The following SCN1A variants were observed in gnomAD, a reference collection of about 807,000 sequenced individuals.
SCN1A encodes sodium channel protein type 1 subunit alpha.
Under a neutral mutation model 193.7 loss-of-function variants are expected in SCN1A, and 13 were observed. The observed-to-expected ratio is 0.07, with a 90% CI of 0.04 to 0.11. The LOEUF is 0.11. SCN1A is among the 10% of genes least tolerant of loss of function. The probability of loss-of-function intolerance (pLI) is 1.00; values close to 1 mark genes in which losing one functional copy is unlikely to be tolerated. For synonymous variants in SCN1A, 781 were observed against 843.6 expected (o/e 0.93, Z 1.29); for missense variants, 1,432 against 2,451.1 (o/e 0.58, Z 8.78).
At chr2:166,087,688 A>G (rs1300950926) in intron 2 of SCN1A, among the ~76,000 whole-genome samples, 1 of 152,182 alleles carries the variant, frequency 6.6e-6, no homozygotes, top group Non-Finnish European at 1.5e-5. Flanking sequence ...AGCCTCAGAT[A>G]TTCTTTTATA....
In SCN1A at chr2:166,045,062, C is replaced by T; in HGVS notation, c.1643G>A (p.Arg548Lys). 1 of 1,614,122 alleles carries T rather than the reference C, an allele frequency of 6.2e-7. No homozygotes were observed. Among genetic ancestry groups the T allele is most frequent in the Non-Finnish European group, 8.5e-7 (1 of 1,180,014 alleles). ...CCATACCTGGTGTGGGGAGGAGTAC[C>T]TCTTTTCATATGTCAATCGGTTCCC... ...IEGNRLTYEK[R>K]YSSPHQSLLS... The change falls in exon 13 of 29, where the codon AGG becomes AAG. Residue 548 changes from arginine (R) to lysine (K), a missense_variant. Around this residue, in one of 18 missense-constraint regions of SCN1A, gnomAD observed 316 missense variants for 362.1 expected, o/e 0.87. Transcript: ENST00000674923.
chr2:166,080,021 T>C (rs1685345065), intron 2 of SCN1A, among the ~76,000 whole-genome samples: 1 of 151,614 alleles, frequency 6.6e-6, no homozygotes, highest in Admixed American at 6.6e-5. Flanking sequence ...CTGTCAGATG[T>C]CATTCAATAT....
chr2:166,098,378 A>G (rs2106123294), intron 2 of SCN1A, among the ~76,000 whole-genome samples: 1 of 152,138 alleles, frequency 6.6e-6, no homozygotes, highest in East Asian at 1.9e-4. Context: ...GCCATCTATA[A>G]CCAACTCACA....
chr2:166,067,970 G>C (rs887166343), intron 4 of SCN1A, among the ~76,000 whole-genome samples: 1 of 152,020 alleles, frequency 6.6e-6, no homozygotes, highest in East Asian at 1.9e-4. Flanking sequence ...AGGAAACCTG[G>C]GCCTTTTTTC....
intron 4 of SCN1A, among the ~76,000 whole-genome samples, chr2:166,062,796 T>A (rs1049605685): frequency 6.6e-5 from 10 of 152,134 alleles, no homozygotes; most frequent in South Asian, 2.1e-4. Flanking sequence ...AAAAACTTTT[T>A]AAAAGAATGT....
At chr2:166,055,283 A>T (rs1245389169) in intron 6 of SCN1A, among the ~76,000 whole-genome samples, 1 of 151,828 alleles carries the variant, frequency 6.6e-6, no homozygotes, top group African/African-American at 2.4e-5. Context: ...AAGAAGTAAA[A>T]ATTTAATTTA....
At chr2:166,012,979 C>T (rs532510805) in intron 21 of SCN1A, among the ~76,000 whole-genome samples, 45 of 151,264 alleles carry the variant, frequency 3.0e-4, no homozygotes, top group African/African-American at 9.7e-4. Flanking sequence ...AAATATATGT[C>T]TGTGTTAGAA....
chr2:165,998,955 A>G (rs1311554007), intron 25 of SCN1A: 2 of 151,472 alleles, frequency 1.3e-5, no homozygotes, highest in African/African-American at 2.4e-5. Flanking sequence ...CAGGTTGAAG[A>G]CTGCAGGGAC....
intron 19 of SCN1A, among the ~76,000 whole-genome samples, chr2:166,018,220 ATAC>A (rs777674657): frequency 2.0e-5 from 3 of 152,018 alleles, no homozygotes; most frequent in Non-Finnish European, 4.4e-5. Flanking sequence ...CTTATGAGGA[ATAC>A]TACTTTTAAT....
chr2:166,055,037 G>A (rs1245051275), intron 6 of SCN1A, among the ~76,000 whole-genome samples: 2 of 151,904 alleles, frequency 1.3e-5, no homozygotes, highest in Non-Finnish European at 2.9e-5. Context: ...TGGTATTTAT[G>A]TAAATATAGT....
rs1434521938 is a variant in SCN1A at position 166,045,345 on chromosome 2, G to T, written c.1378-18C>A. ...GCTGCCTGCTATATTGAAGAGAAAT[G>T]ATTTTAACATAGCACCTGAAGAGAC... On this transcript the variant is annotated intron_variant, in intron 12 of 28. Transcript: ENST00000674923. 6.8e-6 allele frequency: 11 copies of T among 1,613,258 alleles called. No homozygotes were observed. The highest frequency in any genetic ancestry group is 4.4e-5 in the South Asian group (4 of 91,010).
intron 4 of SCN1A, among the ~76,000 whole-genome samples, chr2:166,062,013 A>T (rs1268946626): frequency 1.3e-5 from 2 of 152,208 alleles, no homozygotes; most frequent in Non-Finnish European, 2.9e-5. Context: ...AGTTGAATTT[A>T]TAAATGGAAT....
intron 2 of SCN1A, among the ~76,000 whole-genome samples, chr2:166,088,056 TTGTG>T (rs10525602): frequency 0.049 from 7,176 of 146,790 alleles, 264 homozygotes; most frequent in African/African-American, 0.11. Flanking sequence ...ATCTGTGTGT[TTGTG>T]TGTGTGTGTG....
intron 2 of SCN1A, among the ~76,000 whole-genome samples, chr2:166,097,000 CTTT>C (rs1687454084): frequency 6.6e-6 from 1 of 151,612 alleles, no homozygotes; most frequent in African/African-American, 2.4e-5. Context: ...CTTCTTTCTT[CTTT>C]GTGTGTGTTT....
At chr2:166,116,000 A>G (rs1689815602) in intron 2 of SCN1A, among the ~76,000 whole-genome samples, 1 of 152,252 alleles carries the variant, frequency 6.6e-6, no homozygotes, top group Non-Finnish European at 1.5e-5. Flanking sequence ...ACCTAGAGAT[A>G]GAAACAGCTT....
intron 19 of SCN1A, among the ~76,000 whole-genome samples, chr2:166,021,080 C>G (rs1240567545): frequency 1.3e-5 from 2 of 152,198 alleles, no homozygotes; most frequent in Non-Finnish European, 1.5e-5. Flanking sequence ...GGCTTAAGCT[C>G]TACTTCGCAA....
chr2:165,996,350 C>G (rs187279391), intron 26 of SCN1A: 100 of 354,980 alleles, frequency 2.8e-4, no homozygotes, highest in African/African-American at 2.0e-3. Context: ...AGACAAACAC[C>G]CCCAAATCTC....
chr2:166,091,783 C>G (rs1026608785), intron 2 of SCN1A, among the ~76,000 whole-genome samples: 1 of 152,166 alleles, frequency 6.6e-6, no homozygotes, highest in South Asian at 2.1e-4. Context: ...TTTCCCCACG[C>G]CACTAGAATT....
rs1026954517 is a variant in SCN1A, at chr2:166,043,948, G to A, written c.1764C>T (p.Asn588=). Residue 588 remains asparagine, a synonymous_variant, in exon 14 of 29, where the codon AAC becomes AAT. Coordinates refer to ENST00000674923, the MANE Select transcript of SCN1A (RefSeq NM_001165963.4). ...RGRAKDVGSE[N]DFADDEHSTF... The stretch of plus-strand genomic sequence containing the variant: ...TGCTGTGCTCATCATCTGCGAAGTC[G>A]TTCTCAGATCCCACATCCTTTGCTC... The A allele has an allele frequency of 5.6e-6, 9 of 1,613,996 alleles. No homozygotes were observed. The highest frequency in any genetic ancestry group is 1.3e-5 in the African/African-American group (1 of 74,918).
Sources: allele counts gnomAD v4.1 joint callset (sites outside exome capture counted in the v4.1 genomes callset), GRCh38; gene constraint gnomAD v4.1.1; regional missense constraint gnomAD v4.1.1; transcripts MANE v1.5; gene names NCBI Gene and HGNC (gene_info 2026-07-23, HGNC 2026-07-21).